Variants in KRAS observed in about 807,000 individuals in gnomAD.
KRAS encodes the protein KRas proto-oncogene, GTPase.
A neutral mutation model predicts 21.0 loss-of-function variants in KRAS; 1 was observed. The ratio of observed to expected loss-of-function variants is 0.05; its 90% CI spans 0.02 to 0.23. The LOEUF (loss-of-function observed/expected upper bound fraction) is 0.23. Among genes scored for constraint, KRAS ranks in the 10% least tolerant of loss-of-function variants. KRAS has a pLI of 1.00. For missense variants in KRAS, 107 were observed against 221.8 expected (o/e 0.48, Z 3.29); for synonymous variants, 67 against 72.5 (o/e 0.92, Z 0.39).
rs2135806433 is a variant in KRAS, at chr12:25,245,395, C to T, written c.-11G>A. ...TTTATATTCAGTCATTTTCAGCAGG[C>T]CTTATAATAAAAATAATGAAAATGT... On this transcript the variant is annotated splice_region_variant and 5_prime_UTR_variant, in exon 2 of 5. Coordinates refer to ENST00000311936, the MANE Select transcript of KRAS (RefSeq NM_004985.5). 6.2e-7 allele frequency: 1 copy of T among 1,601,706 alleles called. No homozygotes were observed.
intron 2 of KRAS, among the ~76,000 whole-genome samples, chr12:25,239,667 CA>C (rs1442632566): frequency 6.6e-6 from 1 of 152,156 alleles, no homozygotes. Context: ...TTCTTAGTAA[CA>C]TGCATTTCTA....
At position 25,207,635 on chromosome 12, in the gene KRAS, G is replaced by C. The variant is rs1951153153; in HGVS notation, c.*2160C>G. 1 of 231,546 alleles carries C rather than the reference G, an allele frequency of 4.3e-6. No individual in the cohort carries two copies. Among genetic ancestry groups the C allele is most frequent in the Non-Finnish European group, 8.5e-6 (1 of 117,108 alleles). The allele number at this position is 231,546 out of a possible 1,614,324, so 14.3% of individuals were successfully genotyped here. Reference sequence around the variant, plus strand: ...GTAGTCCTAGTTATAGATTACCTAAGGAATTCTTTCAGCACTATCTTTATT... The same window carrying C: ...GTAGTCCTAGTTATAGATTACCTAACGAATTCTTTCAGCACTATCTTTATT... On this transcript the variant is annotated 3_prime_UTR_variant, in exon 5 of 5. Coordinates refer to ENST00000311936, the MANE Select transcript of KRAS (RefSeq NM_004985.5).
chr12:25,227,615 A>C (rs1951409783), intron 2 of KRAS, among the ~76,000 whole-genome samples: 1 of 152,228 alleles, frequency 6.6e-6, no homozygotes, highest in Admixed American at 6.5e-5. Context: ...TCAGGAAAAT[A>C]AAATCAAAAC....
At chr12:25,247,737 A>G (rs2135810033) in intron 1 of KRAS, among the ~76,000 whole-genome samples, 1 of 152,308 alleles carries the variant, frequency 6.6e-6, no homozygotes, top group South Asian at 2.1e-4. Flanking sequence ...ATTCTTTCAC[A>G]AGTTTTCCAG....
chr12:25,224,647 A>G (rs1372675400), intron 4 of KRAS, among the ~76,000 whole-genome samples: 1 of 152,192 alleles, frequency 6.6e-6, no homozygotes, highest in Non-Finnish European at 1.5e-5. Flanking sequence ...GGGTAGCCCA[A>G]GTGTAGGTTT....
intron 2 of KRAS, among the ~76,000 whole-genome samples, chr12:25,230,259 AC>A (rs1951448390): frequency 6.6e-6 from 1 of 152,196 alleles, no homozygotes; most frequent in African/African-American, 2.4e-5. Context: ...ATACAAATCT[AC>A]TATGTGTTTA....
chr12:25,218,017 C>T (rs1951274304), intron 4 of KRAS, among the ~76,000 whole-genome samples: 1 of 152,030 alleles, frequency 6.6e-6, no homozygotes, highest in Non-Finnish European at 1.5e-5. Flanking sequence ...TAATAAGCAA[C>T]ATAAATAATT....
chr12:25,242,504 T>C (rs61761081), intron 2 of KRAS, among the ~76,000 whole-genome samples: 1 of 152,196 alleles, frequency 6.6e-6, no homozygotes, highest in Non-Finnish European at 1.5e-5. Flanking sequence ...AATCTTGCCC[T>C]AATAACGAGG....
Position 25,210,279 on chromosome 12 carries a change from T to C in KRAS, c.451-368A>G, listed in dbSNP as rs58138111. Among the ~76,000 whole-genome samples the C allele has an allele frequency of 4.2e-3, 640 of 152,278 alleles. 9 individuals carry two copies. The highest frequency in any genetic ancestry group is 0.015 in the African/African-American group (614 of 41,574). On this transcript the variant is annotated intron_variant, in intron 4 of 4. Transcript: ENST00000311936. ...GTGTGTGTGTACACTTAATTGTCCT[T>C]ATGTTTCTGGACTTTAGATATAAGC...
chr12:25,224,355 T>C (rs1053834776), intron 4 of KRAS, among the ~76,000 whole-genome samples: 1 of 152,012 alleles, frequency 6.6e-6, no homozygotes, highest in African/African-American at 2.4e-5. Flanking sequence ...GACAATGATA[T>C]TGATGGTCCT....
At chr12:25,235,485 C>G (rs1951532445) in intron 2 of KRAS, among the ~76,000 whole-genome samples, 1 of 152,178 alleles carries the variant, frequency 6.6e-6, no homozygotes. Context: ...TATTGAAAAT[C>G]TAGGTGTCAC....
intron 1 of KRAS, among the ~76,000 whole-genome samples, chr12:25,250,152 C>T (rs1951745670): frequency 6.6e-6 from 1 of 152,148 alleles, no homozygotes; most frequent in East Asian, 1.9e-4. Flanking sequence ...AAGCACTTTC[C>T]TATGCTCTTC....
rs188546359 is a variant in KRAS at position 25,220,717 on chromosome 12, G to A, written c.450+4897C>T. Among the ~76,000 whole-genome samples, 168 of 107,428 alleles carry A rather than the reference G, an allele frequency of 1.6e-3. 2 individuals are homozygous for A. The highest frequency in any genetic ancestry group is 6.2e-3 in the Admixed American group (64 of 10,276). The allele number at this position is 107,428 out of a possible 152,430, so 70.5% of individuals were successfully genotyped here. A position where few individuals can be genotyped will look rare whatever the true frequency, so the allele number is the denominator to read the frequency against. The stretch of plus-strand genomic sequence containing the variant: ...ACTCCAGCCTGGCAACAGTGAGACC[G>A]TCTCAAAAAAAAAAAAAATACTAGA... On this transcript the variant is annotated intron_variant, in intron 4 of 4. Transcript: ENST00000311936.
At chr12:25,220,049 A>G (rs578035344) in intron 4 of KRAS, among the ~76,000 whole-genome samples, 1 of 152,370 alleles carries the variant, frequency 6.6e-6, no homozygotes, top group African/African-American at 2.4e-5. Context: ...CCGAATGAGG[A>G]GTAACAGATA....
At chr12:25,243,144 A>G (rs1047250783) in intron 2 of KRAS, among the ~76,000 whole-genome samples, 1 of 152,132 alleles carries the variant, frequency 6.6e-6, no homozygotes, top group African/African-American at 2.4e-5. Context: ...ATATCCTCCT[A>G]AATTTTTAAC....
At chr12:25,216,749 C>T (rs752728909) in intron 4 of KRAS, among the ~76,000 whole-genome samples, 3 of 152,048 alleles carry the variant, frequency 2.0e-5, no homozygotes, top group Admixed American at 6.6e-5. Context: ...TAATATTTTC[C>T]AATCTAGAAA....
intron 4 of KRAS, among the ~76,000 whole-genome samples, chr12:25,224,183 T>TAAA (rs5797121): frequency 0.069 from 5,473 of 79,692 alleles, 611 homozygotes; most frequent in African/African-American, 0.24. Context: ...TCCTATTTAC[T>TAAA]AAAAAAAAAA....
Position 25,225,935 on chromosome 12 carries a change from T to G in KRAS, c.291-162A>C, listed in dbSNP as rs61762369. Among the ~76,000 whole-genome samples, 9,236 of 152,230 alleles carry G rather than the reference T, an allele frequency of 0.061. 385 individuals are homozygous for G. Among genetic ancestry groups the G allele is most frequent in the Non-Finnish European group, 0.093 (6,336 of 67,978 alleles). On this transcript the variant is annotated intron_variant, in intron 3 of 4. Coordinates refer to ENST00000311936, the MANE Select transcript of KRAS (RefSeq NM_004985.5). ...TCCTTCTTCTACTAGTTATTTTGTT[T>G]CTTTACCTTTTTAAACAGAAACCTT...
chr12:25,244,367 T>C (rs1055123827), intron 2 of KRAS, among the ~76,000 whole-genome samples: 5 of 152,222 alleles, frequency 3.3e-5, no homozygotes, highest in African/African-American at 9.6e-5. Context: ...CAAGGCGATA[T>C]GCTTATTTTC....
Sources: gnomAD v4.1 joint callset for allele counts (sites outside exome capture counted in the v4.1 genomes callset) on GRCh38, gnomAD v4.1.1 for gene constraint, MANE v1.5 for transcripts, NCBI Gene and HGNC (gene_info 2026-07-23, HGNC 2026-07-21) for gene names.